Variants in SKAP2 observed in about 807,000 individuals in gnomAD.
SKAP2 encodes src kinase-associated phosphoprotein 2.
In SKAP2, 28 loss-of-function variants were observed where a neutral mutation model predicts 54.9. The ratio of observed to expected loss-of-function variants is 0.51; its 90% CI spans 0.38 to 0.70. The LOEUF is 0.70. Among genes scored for constraint, SKAP2 ranks in the 30% least tolerant of loss-of-function variants. SKAP2 has a pLI of 0.00. For missense variants in SKAP2, 356 were observed against 424.1 expected, an observed-to-expected ratio of 0.84 and a Z score of 1.41; for synonymous variants, 137 against 134.3, an observed-to-expected ratio of 1.02 and a Z score of -0.14.
chr7:26,757,655 G>A (rs1365136776), intron 4 of SKAP2, among the ~76,000 whole-genome samples: 11 of 152,110 alleles, frequency 7.2e-5, no homozygotes, highest in East Asian at 1.9e-4. Flanking sequence ...TTGGCAATGC[G>A]GGCTCTTTTT....
Position 26,726,063 on chromosome 7 carries a change from T to A in SKAP2, c.595-77A>T, listed in dbSNP as rs900059039. ...GTATGTTGTATTCTTACCATTTCTTTAAGACTATTAGTAATTCTTTTCATG... is the reference window on the plus strand; with the variant it reads ...GTATGTTGTATTCTTACCATTTCTTAAAGACTATTAGTAATTCTTTTCATG... On this transcript the variant is annotated intron_variant, in intron 7 of 12. Transcript: ENST00000345317. The A allele has an allele frequency of 6.6e-6, 6 of 907,618 alleles. No individual in the cohort carries two copies. The South Asian group carries it at 8.6e-5, about 13-fold the overall frequency. The allele number at this position is 907,618 out of a possible 1,614,324, so 56.2% of individuals were successfully genotyped here. A position where few individuals can be genotyped will look rare whatever the true frequency, so the allele number is the denominator to read the frequency against.
At chr7:26,701,588 C>A (rs1787023818) in intron 9 of SKAP2, among the ~76,000 whole-genome samples, 1 of 151,982 alleles carries the variant, frequency 6.6e-6, no homozygotes, top group Non-Finnish European at 1.5e-5. Flanking sequence ...CAAAAATTAG[C>A]CAGGTGTGGT....
chr7:26,723,022 G>C (rs1787611843), intron 9 of SKAP2, among the ~76,000 whole-genome samples: 2 of 152,088 alleles, frequency 1.3e-5, no homozygotes, highest in African/African-American at 4.8e-5. Context: ...TCTTTGCACA[G>C]AACTGGAAAA....
chr7:26,854,184 T>C (rs768922123), intron 2 of SKAP2, 22 bp from the exon 3 acceptor site: 1 of 1,523,642 alleles, frequency 6.6e-7, no homozygotes, highest in African/African-American at 1.4e-5. Flanking sequence ...AGAACATATT[T>C]TTAAATGAGG....
chr7:26,708,862 C>T (rs897492545), intron 9 of SKAP2, among the ~76,000 whole-genome samples: 2 of 152,160 alleles, frequency 1.3e-5, no homozygotes, highest in African/African-American at 4.8e-5. Context: ...CATGTAATAG[C>T]TGCCTAATAA....
chr7:26,824,196 T>C (rs1462557299), intron 4 of SKAP2, among the ~76,000 whole-genome samples: 2 of 152,130 alleles, frequency 1.3e-5, no homozygotes, highest in African/African-American at 4.8e-5. Context: ...GACGAGACCC[T>C]CGACCAGCAA....
chr7:26,675,067 C>T (rs76946312), intron 11 of SKAP2, among the ~76,000 whole-genome samples: 2,401 of 152,260 alleles, frequency 0.016, 62 homozygotes, highest in African/African-American at 0.055. Flanking sequence ...TTCTCACTGG[C>T]ACCACTAATT....
intron 4 of SKAP2, among the ~76,000 whole-genome samples, chr7:26,776,017 T>C (rs4345466): frequency 0.38 from 57,996 of 151,934 alleles, 11,655 homozygotes; most frequent in Middle Eastern, 0.49. Context: ...TACTGCTCCA[T>C]GGATATCTCA....
At chr7:26,700,170 C>T (rs950458845) in intron 9 of SKAP2, among the ~76,000 whole-genome samples, 1 of 152,136 alleles carries the variant, frequency 6.6e-6, no homozygotes, top group African/African-American at 2.4e-5. Context: ...AATTAATTAG[C>T]ACTCTTTGGA....
downstream of SKAP2, among the ~76,000 whole-genome samples, chr7:26,664,616 A>G (rs193105438): frequency 1.3e-5 from 2 of 152,160 alleles, no homozygotes; most frequent in Admixed American, 1.3e-4. Flanking sequence ...CTTTTACTCT[A>G]GCAGGAGTGA....
Position 26,668,638 on chromosome 7 carries a change from A to G in SKAP2, c.*1028T>C, listed in dbSNP as rs926835715. The G allele has an allele frequency of 6.7e-6, 1 of 148,300 alleles. No individual in the cohort carries two copies. The highest frequency in any genetic ancestry group is 1.5e-5 in the Non-Finnish European group (1 of 67,132). 9.2% of individuals were successfully genotyped at this position (148,300 alleles called of 1,614,324 possible). On this transcript the variant is annotated 3_prime_UTR_variant, in exon 13 of 13. Transcript: ENST00000345317. Reference sequence around the variant, plus strand: ...AGAGAGTGCTTGGTTATGCCTTTTTACTTTGAGAATACACTGAGATTCTGT... The same window carrying G: ...AGAGAGTGCTTGGTTATGCCTTTTTGCTTTGAGAATACACTGAGATTCTGT...
chr7:26,842,061 T>C (rs999137779), intron 4 of SKAP2, among the ~76,000 whole-genome samples: 4 of 151,972 alleles, frequency 2.6e-5, no homozygotes, highest in African/African-American at 9.7e-5. Flanking sequence ...ATTGAGATGA[T>C]ATTTTAGAGT....
intron 4 of SKAP2, among the ~76,000 whole-genome samples, chr7:26,791,017 A>C (rs975721065): frequency 6.6e-6 from 1 of 151,744 alleles, no homozygotes; most frequent in African/African-American, 2.4e-5. Context: ...ACTCTTGAAC[A>C]TCACATTGAG....
intron 4 of SKAP2, among the ~76,000 whole-genome samples, chr7:26,825,745 T>C (rs987400181): frequency 2.0e-5 from 3 of 152,312 alleles, no homozygotes; most frequent in African/African-American, 7.2e-5. Context: ...CTTCTCTCTA[T>C]AAATCAATTC....
chr7:26,760,752 T>C (rs1174016275), intron 4 of SKAP2, among the ~76,000 whole-genome samples: 3 of 152,308 alleles, frequency 2.0e-5, no homozygotes, highest in East Asian at 1.9e-4. Flanking sequence ...TTGTGTCAAA[T>C]TTAGGTGGAA....
chr7:26,661,080 T>G, the SKAP2 span, among the ~76,000 whole-genome samples: 4 of 152,138 alleles, frequency 2.6e-5, no homozygotes, highest in Non-Finnish European at 4.4e-5. Context: ...AAAAAATCAG[T>G]TCATGAAAGC....
chr7:26,744,811 T>C (rs957732897), intron 4 of SKAP2, among the ~76,000 whole-genome samples: 1 of 152,086 alleles, frequency 6.6e-6, no homozygotes, highest in African/African-American at 2.4e-5. Flanking sequence ...TTAATTTTTC[T>C]AAGACAATAT....
chr7:26,821,396 C>T (rs901712472), intron 4 of SKAP2, among the ~76,000 whole-genome samples: 21 of 152,256 alleles, frequency 1.4e-4, no homozygotes, highest in Non-Finnish European at 2.8e-4. Context: ...TTAATGGCTT[C>T]TAAAATTCTG....
chr7:26,776,699 C>T (rs761322511), intron 4 of SKAP2, among the ~76,000 whole-genome samples: 22 of 152,176 alleles, frequency 1.4e-4, no homozygotes, highest in Non-Finnish European at 2.8e-4. Flanking sequence ...ACAACAACAG[C>T]TTGTCCCTAC....
Sources: gnomAD v4.1 joint callset for allele counts (sites outside exome capture counted in the v4.1 genomes callset) on GRCh38, gnomAD v4.1.1 for gene constraint, MANE v1.5 for transcripts, NCBI Gene and HGNC (gene_info 2026-07-23, HGNC 2026-07-21) for gene names.